Variants in PRDM16 observed in about 807,000 individuals in gnomAD.
PRDM16 encodes the protein PR/SET domain 16.
Under a neutral mutation model 110.6 loss-of-function variants are expected in PRDM16, and 23 were observed. The observed-to-expected ratio is 0.21, with a 90% CI of 0.15 to 0.29. The LOEUF (loss-of-function observed/expected upper bound fraction) is 0.29. Ranked by LOEUF, PRDM16 falls within the 10% of genes least tolerant of loss-of-function variation. The probability of loss-of-function intolerance (pLI) is 1.00; values close to 1 mark genes in which losing one functional copy is unlikely to be tolerated. For missense variants in PRDM16, 1,615 were observed against 1,794.3 expected, an observed-to-expected ratio of 0.90 and a Z score of 1.81; for synonymous variants, 799 against 781.8, an observed-to-expected ratio of 1.02 and a Z score of -0.37.
chr1:3,268,411 G>A (rs578173388), intron 3 of PRDM16, among the ~76,000 whole-genome samples: 1 of 152,362 alleles, frequency 6.6e-6, no homozygotes, highest in Middle Eastern at 3.4e-3. Context: ...TAATTAACGT[G>A]TGCACTTCGC....
chr1:3,162,042 A>AC (rs1643902373), intron 1 of PRDM16, among the ~76,000 whole-genome samples: 1 of 151,808 alleles, frequency 6.6e-6, no homozygotes, highest in Non-Finnish European at 1.5e-5. Context: ...AGGGGCTGCC[A>AC]CCCCTTCCCG....
intron 3 of PRDM16, among the ~76,000 whole-genome samples, chr1:3,285,352 C>T (rs911425222): frequency 6.6e-6 from 1 of 152,228 alleles, no homozygotes; most frequent in Non-Finnish European, 1.5e-5. Context: ...TGCCCTCACC[C>T]CATTGTTCCC....
chr1:3,071,372 G>T (rs930323242), intron 1 of PRDM16, among the ~76,000 whole-genome samples: 2 of 152,272 alleles, frequency 1.3e-5, no homozygotes, highest in African/African-American at 4.8e-5. Flanking sequence ...CCCAGCGGGA[G>T]CGCCGAGCGC....
At chr1:3,293,924 G>A (rs891481376) in intron 3 of PRDM16, among the ~76,000 whole-genome samples, 3 of 152,176 alleles carry the variant, frequency 2.0e-5, no homozygotes, top group South Asian at 2.1e-4. Flanking sequence ...CGTGGGTGCC[G>A]GCAGTGTGTG....
chr1:3,251,400 G>A (rs1639929362), intron 3 of PRDM16, among the ~76,000 whole-genome samples: 1 of 152,214 alleles, frequency 6.6e-6, no homozygotes. Context: ...ACAGCTCTGG[G>A]CACCCGGCGT....
At position 3,435,660 on chromosome 1, in the gene PRDM16, A is replaced by ACG. The variant is rs1638886918; in HGVS notation, c.*1850_*1851dup. The ACG allele has an allele frequency of 4.3e-6, 1 of 232,606 alleles. No individual in the cohort carries two copies. The highest frequency in any genetic ancestry group is 2.2e-5 in the African/African-American group (1 of 45,230). The allele number at this position is 232,606 out of a possible 1,614,324, so 14.4% of individuals were successfully genotyped here. A position where few individuals can be genotyped will look rare whatever the true frequency, so the allele number is the denominator to read the frequency against. On this transcript the variant is annotated 3_prime_UTR_variant, in exon 17 of 17. Coordinates refer to ENST00000270722, the MANE Select transcript of PRDM16 (RefSeq NM_022114.4). ...AGCCGCCTTGGTGTGGGTTTGTGTC[A>ACG]CGTGTGGACATCTCCTCAGGCTTTG...
intron 3 of PRDM16, among the ~76,000 whole-genome samples, chr1:3,360,961 C>T (rs1170767433): frequency 1.3e-5 from 2 of 152,142 alleles, no homozygotes; most frequent in Admixed American, 6.5e-5. Flanking sequence ...AGGTGGCTGG[C>T]GGCCGGAGTC....
intron 3 of PRDM16, among the ~76,000 whole-genome samples, chr1:3,282,399 G>A (rs1177757605): frequency 2.0e-5 from 3 of 152,204 alleles, no homozygotes; most frequent in Non-Finnish European, 4.4e-5. Flanking sequence ...TCCCCCCACT[G>A]TCGGGCTTAG....
intron 3 of PRDM16, among the ~76,000 whole-genome samples, chr1:3,328,772 G>A (rs749731913): frequency 5.3e-5 from 8 of 152,184 alleles, no homozygotes; most frequent in Admixed American, 1.3e-4. Context: ...CAGCTCATAC[G>A]CAGAATCTGC....
At chr1:3,144,822 CAT>C (rs1158580366) in intron 1 of PRDM16, among the ~76,000 whole-genome samples, 18 of 152,322 alleles carry the variant, frequency 1.2e-4, no homozygotes, top group Admixed American at 3.9e-4. Flanking sequence ...GAGATACACA[CAT>C]GTCTCAGTCA....
chr1:3,425,437 T>A lies in PRDM16; in HGVS notation c.2940-144T>A. 1.2e-6 allele frequency: 1 copy of A among 833,390 alleles called. No individual in the cohort carries two copies. The highest frequency in any genetic ancestry group is 1.8e-6 in the Non-Finnish European group (1 of 548,476). The allele number at this position is 833,390 out of a possible 1,614,324, so 51.6% of individuals were successfully genotyped here. ...TGCCTTTGGCTCTGCAGCTGGGAGA[T>A]CCAGCAACCTCCGGGACACGGCGGG... On this transcript the variant is annotated intron_variant, in intron 12 of 16. Transcript: ENST00000270722. The surrounding 1 kb of genome is among the most constrained non-coding windows in gnomAD (Gnocchi z 6.9).
chr1:3,417,097 T>G (rs1638286135), intron 10 of PRDM16, among the ~76,000 whole-genome samples: 1 of 152,160 alleles, frequency 6.6e-6, no homozygotes, highest in Non-Finnish European at 1.5e-5. Context: ...TGCCCACCAA[T>G]CCCATGCTTC....
intron 1 of PRDM16, among the ~76,000 whole-genome samples, chr1:3,164,653 G>T (rs1643930365): frequency 6.6e-6 from 1 of 152,218 alleles, no homozygotes; most frequent in Non-Finnish European, 1.5e-5. Flanking sequence ...ACTAAACGCG[G>T]ACGGCAGGCG....
At chr1:3,267,759 T>G (rs1015702233) in intron 3 of PRDM16, among the ~76,000 whole-genome samples, 19 of 152,116 alleles carry the variant, frequency 1.2e-4, no homozygotes, top group African/African-American at 4.3e-4. Flanking sequence ...TCTCCCTCAG[T>G]GAGCCGCTTC....
In PRDM16 at chr1:3,438,401, G is replaced by A; in HGVS notation, c.*4590G>A. Reference sequence around the variant, plus strand: ...AGAAGAATGAAATAAGACGTGAAGTGTAGGAAATCATGAAAAGAACAATTT... The same window carrying A: ...AGAAGAATGAAATAAGACGTGAAGTATAGGAAATCATGAAAAGAACAATTT... On this transcript the variant is annotated 3_prime_UTR_variant, in exon 17 of 17. Coordinates refer to ENST00000270722, the MANE Select transcript of PRDM16 (RefSeq NM_022114.4). 2 of 203,672 alleles carry A rather than the reference G, an allele frequency of 9.8e-6. No homozygotes were observed. Among genetic ancestry groups the A allele is most frequent in the African/African-American group, 2.3e-5 (1 of 43,798 alleles). The allele number at this position is 203,672 out of a possible 1,614,324, so 12.6% of individuals were successfully genotyped here. A position where few individuals can be genotyped will look rare whatever the true frequency, so the allele number is the denominator to read the frequency against.
intron 1 of PRDM16, among the ~76,000 whole-genome samples, chr1:3,162,266 C>T (rs1261543749): frequency 1.3e-5 from 2 of 152,180 alleles, no homozygotes; most frequent in Non-Finnish European, 2.9e-5. Context: ...GACTCTGCGT[C>T]CCTCCTCCCG....
intron 1 of PRDM16, among the ~76,000 whole-genome samples, chr1:3,100,495 C>A (rs1642505646): frequency 6.6e-6 from 1 of 151,876 alleles, no homozygotes; most frequent in South Asian, 2.1e-4. Flanking sequence ...GGAGCCCCTG[C>A]AGAACCTCCA....
intron 12 of PRDM16, 117 bp downstream of exon 12, chr1:3,418,861 T>A: frequency 1.3e-6 from 1 of 783,918 alleles, no homozygotes; most frequent in Non-Finnish European, 2.2e-6. Context: ...GAGCAGGCAG[T>A]GGGCAGGGCC....
intron 1 of PRDM16, among the ~76,000 whole-genome samples, chr1:3,088,243 G>A (rs1642194242): frequency 6.6e-6 from 1 of 151,992 alleles, no homozygotes; most frequent in African/African-American, 2.4e-5. Context: ...CATTCAATCA[G>A]GGAGCTGGGG....
Sources: allele counts gnomAD v4.1 joint callset (sites outside exome capture counted in the v4.1 genomes callset), GRCh38; gene constraint gnomAD v4.1.1; non-coding constraint Gnocchi (gnomAD v3.1); transcripts MANE v1.5; gene names NCBI Gene and HGNC (gene_info 2026-07-23, HGNC 2026-07-21).